Variants in KCNAB1 observed in about 807,000 individuals in gnomAD.
KCNAB1 encodes potassium voltage-gated channel subfamily A regulatory beta subunit 1, also known as voltage-gated potassium channel subunit beta-1.
A neutral mutation model predicts 64.6 loss-of-function variants in KCNAB1; 35 were observed. The observed-to-expected ratio is 0.54, with a 90% CI of 0.41 to 0.72. KCNAB1 has a LOEUF of 0.72. Ranked by LOEUF, KCNAB1 falls within the 30% of genes least tolerant of loss-of-function variation. The pLI, the probability that KCNAB1 is intolerant of heterozygous loss-of-function variation, is 0.00. For missense variants in KCNAB1, 401 were observed against 512.9 expected (o/e 0.78, Z 2.11); for synonymous variants, 177 against 183.8 (o/e 0.96, Z 0.30).
intron 5 of KCNAB1, among the ~76,000 whole-genome samples, chr3:156,461,608 A>G (rs1712915987): frequency 6.6e-6 from 1 of 152,190 alleles, no homozygotes; most frequent in Non-Finnish European, 1.5e-5. Flanking sequence ...TAATTCCACT[A>G]ATAGTACAGT....
intron 1 of KCNAB1, among the ~76,000 whole-genome samples, chr3:156,219,875 A>AC (rs1401256705): frequency 1.3e-5 from 2 of 150,912 alleles, no homozygotes; most frequent in African/African-American, 4.9e-5. Flanking sequence ...CCAGCCCCTA[A>AC]CCCCCTGACA....
chr3:156,306,708 G>T (rs2107997787), intron 1 of KCNAB1, among the ~76,000 whole-genome samples: 2 of 152,336 alleles, frequency 1.3e-5, no homozygotes, highest in East Asian at 3.9e-4. Context: ...CAAGGCACGT[G>T]ATGGCCCTGT....
chr3:156,451,891 A>G (rs911728029), intron 2 of KCNAB1, among the ~76,000 whole-genome samples: 4 of 151,974 alleles, frequency 2.6e-5, no homozygotes, highest in Middle Eastern at 3.2e-3. Context: ...CACCTCTTCT[A>G]GGAAGTCTTC....
chr3:156,221,116 G>A (rs1715702100), intron 1 of KCNAB1, among the ~76,000 whole-genome samples: 1 of 152,140 alleles, frequency 6.6e-6, no homozygotes, highest in African/African-American at 2.4e-5. Context: ...TTTGGTTACT[G>A]TAGCCTTGTA....
At chr3:156,280,865 C>T (rs1719666323) in intron 1 of KCNAB1, among the ~76,000 whole-genome samples, 1 of 149,688 alleles carries the variant, frequency 6.7e-6, no homozygotes, top group South Asian at 2.1e-4. Context: ...AGATTTTGGG[C>T]TGAGACGATG....
chr3:156,294,562 CA>C (rs1311886563), intron 1 of KCNAB1, among the ~76,000 whole-genome samples: 11 of 152,082 alleles, frequency 7.2e-5, no homozygotes, highest in Non-Finnish European at 1.3e-4. Context: ...TCCTTTTTTA[CA>C]TTGTTTTAAC....
intron 1 of KCNAB1, among the ~76,000 whole-genome samples, chr3:156,301,802 A>G (rs182186691): frequency 2.6e-5 from 4 of 152,216 alleles, no homozygotes; most frequent in East Asian, 1.9e-4. Context: ...TTCACCAGAT[A>G]TTTTTTCCTG....
intron 1 of KCNAB1, among the ~76,000 whole-genome samples, chr3:156,151,544 G>A (rs540468432): frequency 6.6e-6 from 1 of 152,080 alleles, no homozygotes; most frequent in African/African-American, 2.4e-5. Context: ...AACACATCTG[G>A]GCTATTTATT....
Position 156,536,658 on chromosome 3 carries a change from G to A in KCNAB1, c.1171G>A (p.Val391Ile), listed in dbSNP as rs1382711604. 4 of 1,606,884 alleles carry A rather than the reference G, an allele frequency of 2.5e-6. No individual in the cohort carries two copies. Among genetic ancestry groups the A allele is most frequent in the Non-Finnish European group, 3.4e-6 (4 of 1,173,396 alleles). ...TTTGTACTTCTCCTCCTGCTCTCAG[G>A]TTCTCCCAAAGATGACATCACATGT... ...QLIENLGAIQ[V>I]LPKMTSHVVN... Residue 391 changes from valine to isoleucine, a missense_variant and splice_region_variant, in exon 14 of 14, where the codon GTT becomes ATT. Physicochemically the swap from Val to Ile is conservative, Grantham distance 29 (BLOSUM62 3). Coordinates refer to ENST00000490337, the MANE Select transcript of KCNAB1 (RefSeq NM_172160.3).
intron 1 of KCNAB1, among the ~76,000 whole-genome samples, chr3:156,358,031 TTAAA>T (rs1725371523): frequency 6.6e-6 from 1 of 152,048 alleles, no homozygotes; most frequent in Non-Finnish European, 1.5e-5. Context: ...TTAATTAAAA[TTAAA>T]TAATATTAAA....
chr3:156,156,460 T>G (rs1489983476), intron 1 of KCNAB1, among the ~76,000 whole-genome samples: 1 of 152,190 alleles, frequency 6.6e-6, no homozygotes, highest in Non-Finnish European at 1.5e-5. Flanking sequence ...GGTTAAGAAG[T>G]TACCATAATT....
At chr3:156,244,133 A>G (rs1057199203) in intron 1 of KCNAB1, among the ~76,000 whole-genome samples, 4 of 152,170 alleles carry the variant, frequency 2.6e-5, no homozygotes, top group Non-Finnish European at 5.9e-5. Flanking sequence ...AAACAACACA[A>G]ATTTATTCTC....
intron 5 of KCNAB1, 92 bp downstream of exon 5, chr3:156,459,963 G>A (rs2272113): frequency 5.9e-6 from 5 of 850,604 alleles, no homozygotes; most frequent in Non-Finnish European, 9.4e-6. Flanking sequence ...TGACCAAAAG[G>A]CTGTCAAAAA....
intron 1 of KCNAB1, among the ~76,000 whole-genome samples, chr3:156,191,664 AT>A (rs879528392): frequency 1.1e-4 from 16 of 152,272 alleles, no homozygotes; most frequent in Non-Finnish European, 2.2e-4. Context: ...ACCACATAGT[AT>A]TTTTTTAAAA....
At chr3:156,200,069 A>G (rs897125552) in intron 1 of KCNAB1, among the ~76,000 whole-genome samples, 4 of 152,192 alleles carry the variant, frequency 2.6e-5, no homozygotes, top group African/African-American at 9.7e-5. Flanking sequence ...TCCTTCTAAC[A>G]GTCAAGACCC....
intron 1 of KCNAB1, among the ~76,000 whole-genome samples, chr3:156,153,647 C>A (rs1048802030): frequency 1.3e-5 from 2 of 152,218 alleles, no homozygotes; most frequent in Non-Finnish European, 2.9e-5. Context: ...AAAACGCTGA[C>A]CTCTCACAAG....
intron 1 of KCNAB1, among the ~76,000 whole-genome samples, chr3:156,409,839 A>G (rs758547376): frequency 6.6e-6 from 1 of 152,224 alleles, no homozygotes; most frequent in Non-Finnish European, 1.5e-5. Context: ...GAGGTTCGAG[A>G]ATAAAGATAA....
At chr3:156,496,417 C>G (rs937790985) in intron 8 of KCNAB1, among the ~76,000 whole-genome samples, 1 of 152,078 alleles carries the variant, frequency 6.6e-6, no homozygotes, top group African/African-American at 2.4e-5. Flanking sequence ...GGCAGTTTCC[C>G]TGCACATGCT....
chr3:156,149,643 A>T (rs1715273136), intron 1 of KCNAB1, among the ~76,000 whole-genome samples: 1 of 152,096 alleles, frequency 6.6e-6, no homozygotes, highest in Non-Finnish European at 1.5e-5. Context: ...CTGCTTCCTT[A>T]TCTACAAAAT....
Sources: gnomAD v4.1 joint callset for allele counts (sites outside exome capture counted in the v4.1 genomes callset) on GRCh38, gnomAD v4.1.1 for gene constraint, MANE v1.5 for transcripts, NCBI Gene and HGNC (gene_info 2026-07-23, HGNC 2026-07-21) for gene names.